The following LMF1 variants were observed in gnomAD, a reference collection of about 807,000 sequenced individuals.
LMF1 encodes lipase maturation factor 1, also known as transmembrane protein 112.
A neutral mutation model predicts 60.6 loss-of-function variants in LMF1; 68 were observed. The observed-to-expected ratio is 1.12, with a 90% CI of 0.92 to 1.37. LMF1 has a LOEUF of 1.37. Ranked by LOEUF, LMF1 falls within the 40% of genes most tolerant of loss-of-function variation. The pLI is 0.00. For missense variants in LMF1, 948 were observed against 767.2 expected, an observed-to-expected ratio of 1.24 and a Z score of -2.78; for synonymous variants, 418 against 324.7, an observed-to-expected ratio of 1.29 and a Z score of -3.09.
At chr16:855,443 C>T (rs531739708) in intron 10 of LMF1, 130 of 354,720 alleles carry the variant, frequency 3.7e-4, no homozygotes, top group African/African-American at 2.7e-3. Context: ...GGTCTTGGTC[C>T]CTGGCTGGCA....
chr16:880,567 G>C (rs902338041), intron 5 of LMF1, among the ~76,000 whole-genome samples: 3 of 152,220 alleles, frequency 2.0e-5, no homozygotes, highest in African/African-American at 7.2e-5. Context: ...CTACCCAGGA[G>C]GCTGAGTCAG....
At chr16:873,030 G>C in intron 6 of LMF1, 1 of 152,290 alleles carries the variant, frequency 6.6e-6, no homozygotes, top group East Asian at 1.9e-4. Context: ...GGGCTCCAGA[G>C]AGCACAGATC....
At chr16:928,530 C>T (rs763389519) in intron 3 of LMF1, among the ~76,000 whole-genome samples, 1 of 152,166 alleles carries the variant, frequency 6.6e-6, no homozygotes, top group Non-Finnish European at 1.5e-5. Flanking sequence ...ACTTCCAGAA[C>T]CCTTCCCTGG....
At chr16:916,170 G>A (rs1044178559) in intron 3 of LMF1, among the ~76,000 whole-genome samples, 1 of 152,206 alleles carries the variant, frequency 6.6e-6, no homozygotes, top group Non-Finnish European at 1.5e-5. Flanking sequence ...GAGAACGCCA[G>A]CTGAGGCCTC....
chr16:916,992 C>T (rs944401940), intron 3 of LMF1, among the ~76,000 whole-genome samples: 2 of 152,232 alleles, frequency 1.3e-5, no homozygotes, highest in South Asian at 2.1e-4. Flanking sequence ...CTCTGCGCAG[C>T]GAGCTCTGAG....
intron 2 of LMF1, chr16:947,579 C>T (rs898205634): frequency 1.3e-5 from 6 of 455,982 alleles, no homozygotes; most frequent in African/African-American, 1.0e-4. Context: ...AAGGGCAGCT[C>T]CCGCCACAGG....
At position 954,332 on chromosome 16, in the gene LMF1, C is replaced by T. The variant is rs200754628; in HGVS notation, c.503+25G>A. The T allele has an allele frequency of 3.9e-4, 632 of 1,604,596 alleles. 4 individuals are homozygous for T. In the African/African-American group the frequency reaches 7.4e-3, roughly 19 times the overall value. On this transcript the variant is annotated intron_variant, in intron 2 of 10. Coordinates refer to ENST00000262301, the MANE Select transcript of LMF1 (RefSeq NM_022773.4). ...CTGAGTGACAGCAAGCCCTAAGCTC[C>T]GACCGCCCCATTCCTGCTACTCACC...
Position 870,864 on chromosome 16 carries a change from G to T in LMF1, c.1097C>A (p.Ala366Glu). The change falls in exon 8 of 11, where the codon GCA (alanine) becomes GAA (glutamate). Residue 366 changes from alanine (A) to glutamate (E), a missense_variant. Ala to Glu is a moderately radical substitution (Grantham distance 107). Coordinates refer to ENST00000262301, the MANE Select transcript of LMF1 (RefSeq NM_022773.4). ...CAGGACGCCCAGCGAGACGTTGGCTGCACGCCGCACCACGGAGCCTGGCAG... is the reference window on the plus strand; with the variant it reads ...CAGGACGCCCAGCGAGACGTTGGCTTCACGCCGCACCACGGAGCCTGGCAG... ...EPRFGSVVRR[A>E]ANVSLGVLLA... 1 of 1,609,174 alleles carries T rather than the reference G, an allele frequency of 6.2e-7. No homozygotes were observed.
At chr16:976,580 C>T (rs1034047316) in intron 1 of LMF1, 2 of 453,988 alleles carry the variant, frequency 4.4e-6, no homozygotes, top group African/African-American at 2.0e-5. Flanking sequence ...TTTGGGGCTG[C>T]AGAAGGACCC....
At chr16:953,402 C>G (rs409355) in intron 2 of LMF1, among the ~76,000 whole-genome samples, 16 of 31,716 alleles carry the variant, frequency 5.0e-4, no homozygotes, top group Middle Eastern at 0.029. Flanking sequence ...CACAGACACC[C>G]ACCCCAAACC....
intron 10 of LMF1, 46 bp from the exon 11 acceptor site, chr16:854,752 C>T (rs571367245): frequency 3.0e-5 from 45 of 1,516,968 alleles, no homozygotes; most frequent in South Asian, 2.3e-4. Context: ...GGACTCCCGG[C>T]CCCCGACCCG....
intron 4 of LMF1, chr16:904,135 G>C (rs2070904731): frequency 1.9e-5 from 2 of 103,120 alleles, no homozygotes; most frequent in African/African-American, 6.3e-5. Flanking sequence ...GGGGACGCCT[G>C]TCTCTGCTGC....
Position 970,848 on chromosome 16 carries a change from G to A in LMF1, c.133C>T (p.His45Tyr). ...RGPAGSPAHL[H>Y]TGTFWLTRIV... is the part of the protein sequence containing the mutation. ...CGGGTCAGCCAGAAGGTGCCCGTGT[G>A]GAGATGGGCCGGAGAGCCTGCGGGG... The change falls in exon 1 of 11, where the codon CAC becomes TAC. Residue 45 changes from histidine to tyrosine, a missense_variant. Transcript: ENST00000262301. The A allele has an allele frequency of 6.4e-7, 1 of 1,556,090 alleles. No homozygotes were observed. The highest frequency in any genetic ancestry group is 8.7e-7 in the Non-Finnish European group (1 of 1,151,844).
rs2069128992 is a variant in LMF1, at chr16:854,360, C to A, written c.*172G>T. 6.4e-6 allele frequency: 5 copies of A among 782,812 alleles called. No individual in the cohort carries two copies. The highest frequency in any genetic ancestry group is 1.1e-5 in the Non-Finnish European group (5 of 463,380). 48.5% of individuals were successfully genotyped at this position (782,812 alleles called of 1,614,324 possible). ...CAGGTGGGCAGGGCCTGGGAGCCGC[C>A]ACAGTATGTGACAACAGACCCCACC... On this transcript the variant is annotated 3_prime_UTR_variant, in exon 11 of 11. Transcript: ENST00000262301.
chr16:869,158 C>T, intron 9 of LMF1, 102 bp from the exon 10 acceptor site: 1 of 832,408 alleles, frequency 1.2e-6, no homozygotes, highest in South Asian at 1.3e-5. Context: ...TGAGGCTTTC[C>T]TGGAGGTGGG....
intron 2 of LMF1, chr16:947,792 CCAATGACAGAGTCAGAGA>C (rs2072276406): frequency 2.9e-6 from 1 of 350,536 alleles, no homozygotes. Flanking sequence ...ACAGAGTCAG[CCAATGACAGAGTCAGAGA>C]CAACGACAGA....
intron 3 of LMF1, among the ~76,000 whole-genome samples, chr16:921,559 G>A (rs2071432004): frequency 6.6e-6 from 1 of 152,236 alleles, no homozygotes; most frequent in African/African-American, 2.4e-5. Context: ...ACAAATGCGG[G>A]CGGTGACGAG....
intron 10 of LMF1, among the ~76,000 whole-genome samples, chr16:856,802 G>C (rs995322617): frequency 6.6e-6 from 1 of 152,248 alleles, no homozygotes; most frequent in African/African-American, 2.4e-5. Context: ...GGGCTTGAGA[G>C]TGTTGAAAAT....
intron 2 of LMF1, among the ~76,000 whole-genome samples, chr16:949,402 G>C (rs1360040956): frequency 2.0e-5 from 3 of 148,814 alleles, no homozygotes; most frequent in Non-Finnish European, 4.4e-5. Context: ...CAACGACAGA[G>C]TCAGCCAACA....
Sources: gnomAD v4.1 joint callset for allele counts (sites outside exome capture counted in the v4.1 genomes callset) on GRCh38, gnomAD v4.1.1 for gene constraint, MANE v1.5 for transcripts, NCBI Gene and HGNC (gene_info 2026-07-23, HGNC 2026-07-21) for gene names.